The following TLCD4 variants were observed in gnomAD, a reference collection of about 807,000 sequenced individuals.
The protein encoded by TLCD4 is TLC domain-containing protein 4.
A neutral mutation model predicts 24.2 loss-of-function variants in TLCD4; 7 were observed. That is an observed-to-expected ratio of 0.29 (90% CI 0.16 to 0.54). TLCD4 has a LOEUF of 0.54. TLCD4 is among the 20% of genes least tolerant of loss of function. The probability of loss-of-function intolerance (pLI) is 0.95; values close to 1 mark genes in which losing one functional copy is unlikely to be tolerated. For missense variants in TLCD4, 259 were observed against 313.9 expected (o/e 0.82, Z 1.32); for synonymous variants, 103 against 106.4 (o/e 0.97, Z 0.20).
Position 95,195,648 on chromosome 1 carries a change from C to G in TLCD4, c.*3780C>G, listed in dbSNP as rs1226803398. On this transcript the variant is annotated 3_prime_UTR_variant, in exon 7 of 7. Transcript: ENST00000370203. ...GCATACAGCGAGACCCTTCATGTGT[C>G]TCTGGATGCACATATATCTTCCCAA... 6.6e-6 allele frequency: 1 copy of G among 152,134 alleles called. No homozygotes were observed. Among genetic ancestry groups the G allele is most frequent in the Non-Finnish European group, 1.5e-5 (1 of 68,012 alleles). The allele number at this position is 152,134 out of a possible 1,614,324, so 9.4% of individuals were successfully genotyped here.
intron 1 of TLCD4, among the ~76,000 whole-genome samples, chr1:95,132,456 CAAAA>C (rs34887671): frequency 2.8e-5 from 2 of 72,470 alleles, no homozygotes; most frequent in African/African-American, 9.8e-5. Context: ...GACTCCAACT[CAAAA>C]AAAAAAAAAA....
At chr1:95,099,278 G>A in the TLCD4 span, among the ~76,000 whole-genome samples, 18 of 151,618 alleles carry the variant, frequency 1.2e-4, no homozygotes, top group African/African-American at 3.6e-4. Flanking sequence ...GAAATGAATC[G>A]TTATTATACG....
chr1:95,191,445 C>G (rs1044032890), intron 6 of TLCD4, 105 bp from the exon 7 acceptor site: 1 of 1,402,846 alleles, frequency 7.1e-7, no homozygotes. Flanking sequence ...ATTCTAGGCC[C>G]TTTGCTCCTC....
At chr1:95,171,824 A>T (rs1260852981) in intron 5 of TLCD4, among the ~76,000 whole-genome samples, 2 of 152,206 alleles carry the variant, frequency 1.3e-5, no homozygotes, top group Non-Finnish European at 2.9e-5. Context: ...CATAGGTTGA[A>T]GTCATAACTC....
the TLCD4 span, among the ~76,000 whole-genome samples, chr1:95,105,894 T>TAAAAAAAAAA: frequency 8.7e-6 from 1 of 115,364 alleles, no homozygotes; most frequent in Non-Finnish European, 1.7e-5. Context: ...GACTCCGTCT[T>TAAAAAAAAAA]AAAAAAAAAA....
At chr1:95,167,921 C>T (rs1678076311) in intron 5 of TLCD4, among the ~76,000 whole-genome samples, 1 of 152,138 alleles carries the variant, frequency 6.6e-6, no homozygotes, top group African/African-American at 2.4e-5. Flanking sequence ...TTAGTGTTGG[C>T]CCCCTGGACC....
chr1:95,098,461 T>C, the TLCD4 span, among the ~76,000 whole-genome samples: 1 of 152,210 alleles, frequency 6.6e-6, no homozygotes, highest in Admixed American at 6.5e-5. Context: ...CATATTGAGT[T>C]CCAAACATTT....
At chr1:95,142,263 T>G (rs1407133388) in intron 1 of TLCD4, among the ~76,000 whole-genome samples, 3 of 150,490 alleles carry the variant, frequency 2.0e-5, no homozygotes, top group African/African-American at 7.3e-5. Context: ...AACTCGATTG[T>G]TAAGACCTGA....
chr1:95,093,262 A>G, the TLCD4 span, among the ~76,000 whole-genome samples: 1 of 152,188 alleles, frequency 6.6e-6, no homozygotes, highest in East Asian at 1.9e-4. Context: ...TGGCCAGTGG[A>G]GAGATTTCTG....
intron 2 of TLCD4, among the ~76,000 whole-genome samples, chr1:95,145,862 G>A (rs892827943): frequency 1.3e-5 from 2 of 152,170 alleles, no homozygotes; most frequent in Non-Finnish European, 2.9e-5. Context: ...TTGGGAAACT[G>A]AATTTCTATT....
intron 6 of TLCD4, among the ~76,000 whole-genome samples, chr1:95,190,735 A>G (rs1678998744): frequency 6.6e-6 from 1 of 152,154 alleles, no homozygotes; most frequent in Admixed American, 6.5e-5. Context: ...CCTAATGACA[A>G]TAGTGAACAT....
chr1:95,092,566 C>G, the TLCD4 span, among the ~76,000 whole-genome samples: 1 of 152,164 alleles, frequency 6.6e-6, no homozygotes, highest in African/African-American at 2.4e-5. Context: ...ACTGCTCACT[C>G]TTTAGGTCTA....
At chr1:95,100,844 G>T in the TLCD4 span, among the ~76,000 whole-genome samples, 1 of 151,440 alleles carries the variant, frequency 6.6e-6, no homozygotes, top group Admixed American at 6.6e-5. Context: ...TTTTAAGAAA[G>T]ATATAACTGG....
the TLCD4 span, among the ~76,000 whole-genome samples, chr1:95,107,447 C>T: frequency 6.6e-6 from 1 of 151,994 alleles, no homozygotes; most frequent in East Asian, 1.9e-4. Flanking sequence ...AAAAAATTTG[C>T]TCTTTTAATT....
intron 5 of TLCD4, among the ~76,000 whole-genome samples, chr1:95,170,388 G>A (rs1289048595): frequency 7.0e-6 from 1 of 143,366 alleles, no homozygotes; most frequent in Non-Finnish European, 1.5e-5. Context: ...GGAGTGCAGT[G>A]GCGTGATTTC....
At chr1:95,154,802 G>A (rs1481585874) in intron 5 of TLCD4, among the ~76,000 whole-genome samples, 1 of 150,522 alleles carries the variant, frequency 6.6e-6, no homozygotes, top group Non-Finnish European at 1.5e-5. Context: ...ATTCTAGGTT[G>A]ATGGTACCCT....
At chr1:95,185,860 C>T (rs540369986) in intron 6 of TLCD4, among the ~76,000 whole-genome samples, 1 of 152,252 alleles carries the variant, frequency 6.6e-6, no homozygotes, top group East Asian at 1.9e-4. Flanking sequence ...GGAGTCAGCA[C>T]CCCTAACCCT....
intron 6 of TLCD4, among the ~76,000 whole-genome samples, chr1:95,187,272 G>A (rs1197570973): frequency 6.6e-6 from 1 of 152,144 alleles, no homozygotes; most frequent in African/African-American, 2.4e-5. Flanking sequence ...ATATCTTATT[G>A]TTAACTAAAG....
chr1:95,159,834 C>T (rs951052585), intron 5 of TLCD4, among the ~76,000 whole-genome samples: 3 of 152,166 alleles, frequency 2.0e-5, no homozygotes, highest in African/African-American at 7.2e-5. Flanking sequence ...GGTATTATTA[C>T]TGAGGCCCCT....
Sources: gnomAD v4.1 joint callset for allele counts (sites outside exome capture counted in the v4.1 genomes callset) on GRCh38, gnomAD v4.1.1 for gene constraint, MANE v1.5 for transcripts, NCBI Gene and HGNC (gene_info 2026-07-23, HGNC 2026-07-21) for gene names.